LRCH1: variants seen among roughly 807,000 people sequenced by gnomAD.
LRCH1 encodes the protein leucine-rich repeat and calponin homology domain-containing protein 1.
Under a neutral mutation model 94.9 loss-of-function variants are expected in LRCH1, and 23 were observed. The ratio of observed to expected loss-of-function variants is 0.24; its 90% CI spans 0.17 to 0.34. The LOEUF (loss-of-function observed/expected upper bound fraction) is 0.34. Among genes scored for constraint, LRCH1 ranks in the 10% least tolerant of loss-of-function variants. The probability of loss-of-function intolerance (pLI) is 1.00; values close to 1 mark genes in which losing one functional copy is unlikely to be tolerated. For synonymous variants in LRCH1, 364 were observed against 354.9 expected (o/e 1.03, Z -0.29); for missense variants, 790 against 945.9 (o/e 0.84, Z 2.16).
At chr13:46,561,627 T>TC (rs1244306999) in intron 1 of LRCH1, among the ~76,000 whole-genome samples, 5 of 152,216 alleles carry the variant, frequency 3.3e-5, no homozygotes, top group Non-Finnish European at 7.3e-5. Context: ...TCTGGTTCAG[T>TC]CAGCTTAGCT....
chr13:46,732,957 A>G (rs1873187560), intron 18 of LRCH1, among the ~76,000 whole-genome samples: 1 of 152,242 alleles, frequency 6.6e-6, no homozygotes, highest in Non-Finnish European at 1.5e-5. Flanking sequence ...TCACAGGGCA[A>G]CAGACTCTGT....
Position 46,562,314 on chromosome 13 carries a change from T to C in LRCH1, c.307+8611T>C, listed in dbSNP as rs141615512. ...ACTGGGTGGCTTAGACAACAGAAATTAATTTTCCCATAGCTCTGGAGGCTG... is the reference window on the plus strand; with the variant it reads ...ACTGGGTGGCTTAGACAACAGAAATCAATTTTCCCATAGCTCTGGAGGCTG... On this transcript the variant is annotated intron_variant, in intron 1 of 19. Coordinates refer to ENST00000389797, the MANE Select transcript of LRCH1 (RefSeq NM_001164211.2). Among the ~76,000 whole-genome samples the C allele has an allele frequency of 1.8e-3, 277 of 152,330 alleles. 1 individual carries two copies. The highest frequency in any genetic ancestry group is 6.3e-3 in the African/African-American group (263 of 41,564).
chr13:46,720,689 A>C (rs1045006531), intron 16 of LRCH1, among the ~76,000 whole-genome samples: 2 of 152,200 alleles, frequency 1.3e-5, no homozygotes, highest in African/African-American at 4.8e-5. Flanking sequence ...CAGACCGTTC[A>C]CTGGATTTAT....
At chr13:46,665,187 G>GTC (rs2051499168) in intron 2 of LRCH1, among the ~76,000 whole-genome samples, 1 of 152,108 alleles carries the variant, frequency 6.6e-6, no homozygotes, top group Non-Finnish European at 1.5e-5. Context: ...AAAATCACCT[G>GTC]TAAGAACATA....
intron 1 of LRCH1, among the ~76,000 whole-genome samples, chr13:46,560,543 A>C (rs2050119126): frequency 6.6e-6 from 1 of 152,192 alleles, no homozygotes; most frequent in Non-Finnish European, 1.5e-5. Flanking sequence ...ATTGTAATCT[A>C]TTATAAACGT....
At chr13:46,571,996 G>C (rs149169372) in intron 1 of LRCH1, among the ~76,000 whole-genome samples, 1 of 152,096 alleles carries the variant, frequency 6.6e-6, no homozygotes. Context: ...TTTTGGAGAG[G>C]AGGGGGTCTT....
chr13:46,708,137 G>T (rs1321077482), intron 13 of LRCH1, among the ~76,000 whole-genome samples: 4 of 152,172 alleles, frequency 2.6e-5, no homozygotes, highest in Non-Finnish European at 5.9e-5. Flanking sequence ...GGCAGAAGAA[G>T]AGCGGCCATT....
Position 46,728,932 on chromosome 13 carries a change from A to T in LRCH1, c.1955A>T (p.Asn652Ile). 6.2e-7 allele frequency: 1 copy of T among 1,613,800 alleles called. No individual in the cohort carries two copies. Among genetic ancestry groups the T allele is most frequent in the Non-Finnish European group, 8.5e-7 (1 of 1,179,852 alleles). Reference protein sequence around the residue: ...MDGVVLCHLVNHIRPRSVASI... With the variant: ...MDGVVLCHLVIHIRPRSVASI... Reference sequence around the variant, plus strand: ...GGTGTCGTCCTCTGCCATCTGGTCAACCACATCCGCCCACGGTCGGTTGCA... The same window carrying T: ...GGTGTCGTCCTCTGCCATCTGGTCATCCACATCCGCCCACGGTCGGTTGCA... Residue 652 changes from asparagine (N) to isoleucine (I), a missense_variant, in exon 18 of 20, where the codon AAC (asparagine) becomes ATC (isoleucine). Transcript: ENST00000389797.
At chr13:46,624,168 G>T (rs1253399966) in intron 1 of LRCH1, among the ~76,000 whole-genome samples, 1 of 152,098 alleles carries the variant, frequency 6.6e-6, no homozygotes, top group African/African-American at 2.4e-5. Flanking sequence ...ATAGGTGTGA[G>T]CCACTACACC....
In LRCH1 at chr13:46,567,492, TTGTGTGTGTGTG is replaced by T. The variant is rs35848521; in HGVS notation, c.307+13813_307+13824del. ...TCTCTGCATGCAATTTAAGGCAATT[TTGTGTGTGTGTG>T]TGTGTGTGTGTGTGTGTGTGTGTTT... On this transcript the variant is annotated intron_variant, in intron 1 of 19. Transcript: ENST00000389797. 3.7e-4 allele frequency among the ~76,000 whole-genome samples: 52 copies of T among 141,956 alleles called. 1 individual carries two copies. The East Asian group carries it at 7.5e-3, about 20-fold the overall frequency. The allele number at this position is 141,956 out of a possible 152,430, so 93.1% of individuals were successfully genotyped here.
chr13:46,720,953 TAA>T (rs1416175822), intron 16 of LRCH1, among the ~76,000 whole-genome samples: 1 of 152,260 alleles, frequency 6.6e-6, no homozygotes, highest in African/African-American at 2.4e-5. Flanking sequence ...CTGATAATTT[TAA>T]GTGTTCATTT....
chr13:46,739,373 C>T (rs1328607793), intron 19 of LRCH1, among the ~76,000 whole-genome samples: 2 of 152,198 alleles, frequency 1.3e-5, no homozygotes, highest in African/African-American at 4.8e-5. Flanking sequence ...TTACAAATGG[C>T]TTGCAGTGAT....
intron 2 of LRCH1, among the ~76,000 whole-genome samples, chr13:46,665,242 T>G (rs2051499831): frequency 6.6e-6 from 1 of 152,140 alleles, no homozygotes; most frequent in South Asian, 2.1e-4. Flanking sequence ...AACCTTTTGA[T>G]AAACCAATAA....
At chr13:46,749,676 A>G (rs1224488570), downstream of LRCH1, among the ~76,000 whole-genome samples, 5 of 152,212 alleles carry the variant, frequency 3.3e-5, no homozygotes, top group Admixed American at 6.5e-5. Context: ...ACACACTGTC[A>G]TCAAGTAGAT....
intron 1 of LRCH1, among the ~76,000 whole-genome samples, chr13:46,637,794 A>G (rs2051110563): frequency 6.6e-6 from 1 of 151,836 alleles, no homozygotes; most frequent in African/African-American, 2.4e-5. Context: ...TTGTGTTTGT[A>G]TCACCCCACT....
At chr13:46,738,866 C>G (rs1873518761) in intron 19 of LRCH1, among the ~76,000 whole-genome samples, 1 of 152,136 alleles carries the variant, frequency 6.6e-6, no homozygotes, top group Admixed American at 6.5e-5. Context: ...CTAGCTTTCT[C>G]TAAGTTCATA....
intron 2 of LRCH1, among the ~76,000 whole-genome samples, chr13:46,668,566 T>G (rs1406761537): frequency 6.6e-6 from 1 of 152,176 alleles, no homozygotes; most frequent in Non-Finnish European, 1.5e-5. Context: ...ATGGATGAAA[T>G]GATGCCTGTG....
intron 15 of LRCH1, among the ~76,000 whole-genome samples, chr13:46,713,583 A>T (rs1446994781): frequency 6.6e-6 from 1 of 152,216 alleles, no homozygotes; most frequent in Non-Finnish European, 1.5e-5. Flanking sequence ...GGCAGTTTGA[A>T]TGGGCCATAG....
chr13:46,731,266 T>A (rs1020104894), intron 18 of LRCH1, among the ~76,000 whole-genome samples: 1 of 151,972 alleles, frequency 6.6e-6, no homozygotes, highest in Admixed American at 6.6e-5. Flanking sequence ...GGAGATGGAG[T>A]CTCCTCTGTC....
Sources: allele counts gnomAD v4.1 joint callset (sites outside exome capture counted in the v4.1 genomes callset), GRCh38; gene constraint gnomAD v4.1.1; transcripts MANE v1.5; gene names NCBI Gene and HGNC (gene_info 2026-07-23, HGNC 2026-07-21).